Variants in NCBP1 observed in about 807,000 individuals in gnomAD.
The protein encoded by NCBP1 is nuclear cap-binding protein subunit 1.
Under a neutral mutation model 111.7 loss-of-function variants are expected in NCBP1, and 16 were observed. The ratio of observed to expected loss-of-function variants is 0.14; its 90% CI spans 0.10 to 0.22. The LOEUF is 0.22. NCBP1 is among the 10% of genes least tolerant of loss of function. The pLI, the probability that NCBP1 is intolerant of heterozygous loss-of-function variation, is 1.00. For missense variants in NCBP1, 607 were observed against 957.5 expected (o/e 0.63, Z 4.83); for synonymous variants, 304 against 314.3 (o/e 0.97, Z 0.35).
Position 97,633,886 on chromosome 9 carries a change from C to A in NCBP1, c.5C>A (p.Ser2Ter). 1 of 1,588,408 alleles carries A rather than the reference C, an allele frequency of 6.3e-7. No individual in the cohort carries two copies. The highest frequency in any genetic ancestry group is 8.5e-7 in the Non-Finnish European group (1 of 1,173,410). Reference sequence around the variant, plus strand: ...CGCGGCGCACCGGAGGGCAGCATGTCGCGGCGGCGGCACAGCGACGAGAAC... The same window carrying A: ...CGCGGCGCACCGGAGGGCAGCATGTAGCGGCGGCGGCACAGCGACGAGAAC... The part of the protein sequence containing the change: M[S>*]RRRHSDENDG... The change falls in exon 1 of 23, where the codon TCG (serine) becomes TAG (stop). Residue 2 changes from serine to a stop codon, truncating the protein, a stop_gained. Coordinates refer to ENST00000375147, the MANE Select transcript of NCBP1 (RefSeq NM_002486.5). LOFTEE classifies it high-confidence loss of function.
intron 9 of NCBP1, 101 bp from the exon 10 acceptor site, chr9:97,651,209 T>C (rs888898175): frequency 3.5e-6 from 3 of 858,868 alleles, no homozygotes; most frequent in Non-Finnish European, 5.1e-6. Flanking sequence ...TCAAAAAAGA[T>C]TTTTCTTTGC....
chr9:97,654,922 A>G lies in NCBP1; in HGVS notation c.1213A>G (p.Met405Val). Residue 405 changes from methionine to valine, a missense_variant, in exon 12 of 23, where the codon ATG (methionine) becomes GTG (valine). Transcript: ENST00000375147. ...AATGCTATACATGCGTTTGGACACAATGAACACTACCTGTGTAGACAGGTA... is the reference window on the plus strand; with the variant it reads ...AATGCTATACATGCGTTTGGACACAGTGAACACTACCTGTGTAGACAGGTA... ...TEMLYMRLDT[M>V]NTTCVDRFIN... 6.2e-7 allele frequency: 1 copy of G among 1,611,328 alleles called. No individual in the cohort carries two copies. The highest frequency in any genetic ancestry group is 8.5e-7 in the Non-Finnish European group (1 of 1,179,062).
chr9:97,659,968 A>G (rs773928324), intron 15 of NCBP1, among the ~76,000 whole-genome samples: 11 of 152,122 alleles, frequency 7.2e-5, no homozygotes, highest in Non-Finnish European at 1.0e-4. Flanking sequence ...CAGTCTGGAA[A>G]GCCCTTTCTA....
At chr9:97,652,655 T>C (rs1254091129) in intron 10 of NCBP1, among the ~76,000 whole-genome samples, 3 of 152,130 alleles carry the variant, frequency 2.0e-5, no homozygotes, top group South Asian at 4.1e-4. Context: ...AGAGACAGCA[T>C]AGGATGTATT....
intron 20 of NCBP1, 53 bp from the exon 21 acceptor site, chr9:97,668,793 T>C (rs539856977): frequency 2.9e-4 from 460 of 1,583,718 alleles, no homozygotes; most frequent in Non-Finnish European, 3.8e-4. Flanking sequence ...GGAGGAGATT[T>C]AACACACTGG....
intron 3 of NCBP1, among the ~76,000 whole-genome samples, chr9:97,641,937 A>G (rs1827218059): frequency 6.6e-6 from 1 of 152,102 alleles, no homozygotes; most frequent in African/African-American, 2.4e-5. Context: ...TCATTCAGAT[A>G]TATATTTTTA....
intron 1 of NCBP1, among the ~76,000 whole-genome samples, chr9:97,640,102 C>T (rs1209210755): frequency 2.0e-5 from 3 of 152,140 alleles, no homozygotes; most frequent in African/African-American, 7.2e-5. Flanking sequence ...CGTATACTGA[C>T]TGTCGTTCCC....
At chr9:97,634,039 G>A (rs1826915859) in intron 1 of NCBP1, 124 bp downstream of exon 1, 9 of 1,216,008 alleles carry the variant, frequency 7.4e-6, no homozygotes, top group Non-Finnish European at 9.9e-6. Flanking sequence ...AGCCGCGGAG[G>A]GAAAGAGGAG....
intron 6 of NCBP1, among the ~76,000 whole-genome samples, chr9:97,645,998 A>C (rs759181308): frequency 6.6e-6 from 1 of 152,190 alleles, no homozygotes; most frequent in Non-Finnish European, 1.5e-5. Context: ...AAAACACCCT[A>C]GTGCAATAGT....
chr9:97,669,120 A>G lies in NCBP1; in HGVS notation c.2145+146A>G. On this transcript the variant is annotated intron_variant, in intron 21 of 22. Transcript: ENST00000375147. ...AATACAAAAATTTAGGAAGGAAATA[A>G]AAGTTCACTACTCAGAGGCAACCAT... The G allele has an allele frequency of 1.5e-5, 14 of 949,840 alleles. No individual in the cohort carries two copies. In the South Asian group the frequency reaches 2.7e-4, roughly 18 times the overall value. 58.8% of individuals were successfully genotyped at this position (949,840 alleles called of 1,614,324 possible).
intron 6 of NCBP1, among the ~76,000 whole-genome samples, chr9:97,646,201 A>G (rs1827330571): frequency 6.6e-6 from 1 of 152,228 alleles, no homozygotes; most frequent in Non-Finnish European, 1.5e-5. Flanking sequence ...TCTTAAATCA[A>G]GCTCTTAAAA....
intron 16 of NCBP1, among the ~76,000 whole-genome samples, chr9:97,661,732 G>GTTT (rs34390822): frequency 8.0e-5 from 9 of 113,056 alleles, no homozygotes; most frequent in African/African-American, 1.2e-4. Flanking sequence ...AAGCTTAAGT[G>GTTT]TTTTTTTTTT....
intron 19 of NCBP1, among the ~76,000 whole-genome samples, chr9:97,665,465 C>T (rs1827966120): frequency 6.6e-6 from 1 of 152,188 alleles, no homozygotes; most frequent in African/African-American, 2.4e-5. Context: ...AGCCAGCATT[C>T]AAACCCAGGC....
chr9:97,668,717 G>T, intron 20 of NCBP1, 129 bp from the exon 21 acceptor site: 1 of 913,760 alleles, frequency 1.1e-6, no homozygotes, highest in Non-Finnish European at 1.5e-6. Context: ...TGGCGGGGTG[G>T]GGGGGTACTT....
chr9:97,663,865 A>G (rs1403173819), intron 18 of NCBP1, among the ~76,000 whole-genome samples: 1 of 151,794 alleles, frequency 6.6e-6, no homozygotes, highest in Non-Finnish European at 1.5e-5. Flanking sequence ...AGCAAAGCAA[A>G]GGGGAGAATA....
At chr9:97,635,239 A>G (rs923868799) in intron 1 of NCBP1, among the ~76,000 whole-genome samples, 3 of 152,200 alleles carry the variant, frequency 2.0e-5, no homozygotes, top group African/African-American at 4.8e-5. Context: ...GAGACTGAGC[A>G]TAACTAAGAT....
chr9:97,636,983 G>A (rs1449589084), intron 1 of NCBP1, among the ~76,000 whole-genome samples: 1 of 152,090 alleles, frequency 6.6e-6, no homozygotes, highest in Non-Finnish European at 1.5e-5. Context: ...GAAAAGCTGT[G>A]ATCCAAAGGT....
chr9:97,654,062 G>A (rs1587712911), intron 11 of NCBP1, among the ~76,000 whole-genome samples, 154 bp downstream of exon 11: 1 of 152,034 alleles, frequency 6.6e-6, no homozygotes, highest in South Asian at 2.1e-4. Flanking sequence ...TTGTATGTCT[G>A]TAAATACATA....
chr9:97,646,313 C>A (rs1230451677), intron 6 of NCBP1, among the ~76,000 whole-genome samples: 1 of 152,064 alleles, frequency 6.6e-6, no homozygotes, highest in Non-Finnish European at 1.5e-5. Context: ...TCTCCTAAGC[C>A]AATGTAAAAG....
Sources: gnomAD v4.1 joint callset for allele counts (sites outside exome capture counted in the v4.1 genomes callset) on GRCh38, gnomAD v4.1.1 for gene constraint, MANE v1.5 for transcripts, NCBI Gene and HGNC (gene_info 2026-07-23, HGNC 2026-07-21) for gene names.